PITPNC1: variants seen among roughly 807,000 people sequenced by gnomAD.
PITPNC1 encodes the protein phosphatidylinositol transfer protein cytoplasmic 1.
In PITPNC1, 18 loss-of-function variants were observed where a neutral mutation model predicts 44.7. That is an observed-to-expected ratio of 0.40 (90% CI 0.28 to 0.60). The LOEUF (loss-of-function observed/expected upper bound fraction) is 0.60. Among genes scored for constraint, PITPNC1 ranks in the 20% least tolerant of loss-of-function variants. The pLI is 0.39. For synonymous variants in PITPNC1, 141 were observed against 149.6 expected, an observed-to-expected ratio of 0.94 and a Z score of 0.42; for missense variants, 290 against 418.4, an observed-to-expected ratio of 0.69 and a Z score of 2.68.
rs141195320 is a variant in PITPNC1, at chr17:67,592,705, G to A, written c.366+14448G>A. Among the ~76,000 whole-genome samples, 269 of 152,328 alleles carry A rather than the reference G, an allele frequency of 1.8e-3. 2 individuals carry two copies. The highest frequency in any genetic ancestry group is 6.2e-3 in the African/African-American group (258 of 41,580). ...GTGGGAAGGAAAGATAACTTTCTCA[G>A]TAAATGACATTAAGTGAGTTGACAT... On this transcript the variant is annotated intron_variant, in intron 5 of 8. Transcript: ENST00000581322.
intron 1 of PITPNC1, among the ~76,000 whole-genome samples, chr17:67,383,187 G>C (rs2037990482): frequency 6.6e-6 from 1 of 151,856 alleles, no homozygotes; most frequent in Admixed American, 6.6e-5. Flanking sequence ...AGTAGAGATG[G>C]GGTTTCACCA....
chr17:67,551,167 C>A (rs761021014), intron 2 of PITPNC1, among the ~76,000 whole-genome samples: 23 of 100,202 alleles, frequency 2.3e-4, no homozygotes, highest in Non-Finnish European at 3.9e-4. Flanking sequence ...TTAGCTGGGG[C>A]TGCACTGTTC....
At chr17:67,420,083 T>C (rs1297785597) in intron 1 of PITPNC1, among the ~76,000 whole-genome samples, 3 of 152,078 alleles carry the variant, frequency 2.0e-5, no homozygotes, top group Admixed American at 6.6e-5. Flanking sequence ...CCCTGAGGGG[T>C]GGTAGAAACA....
In PITPNC1 at chr17:67,590,685, A is replaced by G. The variant is rs539826312; in HGVS notation, c.366+12428A>G. 5.9e-5 allele frequency among the ~76,000 whole-genome samples: 9 copies of G among 152,334 alleles called. No homozygotes were observed. In the South Asian group the frequency reaches 1.9e-3, roughly 32 times the overall value. On this transcript the variant is annotated intron_variant, in intron 5 of 8. Transcript: ENST00000581322. ...AGAAATAATTTTACAATAGACAGCC[A>G]GGCACAGTGGCTCACACCTGTAATC...
intron 1 of PITPNC1, among the ~76,000 whole-genome samples, chr17:67,425,193 G>GCGCGCACACACA (rs1160522771): frequency 1.9e-4 from 10 of 52,118 alleles, no homozygotes; most frequent in African/African-American, 8.2e-4. Flanking sequence ...TTGTGCGCGC[G>GCGCGCACACACA]CACGCACACG....
At chr17:67,408,305 C>T (rs1324199882) in intron 1 of PITPNC1, among the ~76,000 whole-genome samples, 2 of 151,940 alleles carry the variant, frequency 1.3e-5, no homozygotes, top group Admixed American at 6.6e-5. Flanking sequence ...CATGGTGACT[C>T]GCCTGAGGTC....
At chr17:67,659,099 G>A (rs927232363) in intron 6 of PITPNC1, among the ~76,000 whole-genome samples, 1 of 152,136 alleles carries the variant, frequency 6.6e-6, no homozygotes, top group African/African-American at 2.4e-5. Context: ...TGAACTTTTG[G>A]TGTGCTCTGG....
intron 8 of PITPNC1, among the ~76,000 whole-genome samples, chr17:67,686,432 G>T (rs2042817530): frequency 2.0e-5 from 3 of 151,882 alleles, no homozygotes; most frequent in Non-Finnish European, 4.4e-5. Flanking sequence ...TTTTAGATCA[G>T]TGTGGGTGGA....
At chr17:67,394,415 T>G (rs1052981294) in intron 1 of PITPNC1, among the ~76,000 whole-genome samples, 13 of 152,232 alleles carry the variant, frequency 8.5e-5, no homozygotes, top group Non-Finnish European at 1.9e-4. Flanking sequence ...AGGAAAATGC[T>G]TCTCAGATTG....
At chr17:67,649,563 A>G (rs1184405344) in intron 6 of PITPNC1, among the ~76,000 whole-genome samples, 1 of 152,172 alleles carries the variant, frequency 6.6e-6, no homozygotes, top group African/African-American at 2.4e-5. Context: ...ATCAGATCCC[A>G]GTCCCACAAA....
intron 1 of PITPNC1, among the ~76,000 whole-genome samples, chr17:67,480,035 T>A (rs2039681994): frequency 6.6e-6 from 1 of 152,222 alleles, no homozygotes; most frequent in Non-Finnish European, 1.5e-5. Flanking sequence ...CAGATGTAGA[T>A]CAAGGTTTGT....
In PITPNC1 at chr17:67,377,996, G is replaced by A; in HGVS notation, c.-159G>A. 2.2e-6 allele frequency: 1 copy of A among 451,364 alleles called. No individual in the cohort carries two copies. The highest frequency in any genetic ancestry group is 3.9e-6 in the Non-Finnish European group (1 of 259,736). The allele number at this position is 451,364 out of a possible 1,614,324, so 28.0% of individuals were successfully genotyped here. ...AAACCCTGACATGCTCTGGGGCGGA[G>A]AGGAGGAAGCCAGGAGCTGAGCGCG... On this transcript the variant is annotated 5_prime_UTR_variant, in exon 1 of 9. Coordinates refer to ENST00000581322, the MANE Select transcript of PITPNC1 (RefSeq NM_012417.4).
chr17:67,640,816 C>A (rs2042085138), intron 6 of PITPNC1, among the ~76,000 whole-genome samples: 2 of 151,138 alleles, frequency 1.3e-5, no homozygotes, highest in Admixed American at 1.3e-4. Context: ...ATGGTGAAAA[C>A]CCATCTCTAC....
chr17:67,666,437 A>G (rs2042423420), intron 6 of PITPNC1, among the ~76,000 whole-genome samples: 2 of 152,312 alleles, frequency 1.3e-5, no homozygotes, highest in South Asian at 4.1e-4. Context: ...AGGCCAGCAG[A>G]AGCTTCTTAA....
chr17:67,507,172 C>T (rs2040115591), intron 1 of PITPNC1, among the ~76,000 whole-genome samples: 2 of 152,016 alleles, frequency 1.3e-5, no homozygotes, highest in Admixed American at 1.3e-4. Flanking sequence ...TAGATGAATA[C>T]ATAGAAAGAA....
chr17:67,447,353 A>G (rs2039113089), intron 1 of PITPNC1, among the ~76,000 whole-genome samples: 1 of 151,904 alleles, frequency 6.6e-6, no homozygotes. Context: ...TAGTACAAAC[A>G]GCAGTGGTTC....
intron 1 of PITPNC1, among the ~76,000 whole-genome samples, chr17:67,430,743 C>T (rs1002574410): frequency 6.6e-5 from 10 of 151,634 alleles, no homozygotes; most frequent in Admixed American, 5.3e-4. Context: ...CAGTTGAGGC[C>T]GGGAGTTCAA....
intron 1 of PITPNC1, among the ~76,000 whole-genome samples, chr17:67,473,314 G>A (rs1168611166): frequency 6.6e-6 from 1 of 151,568 alleles, no homozygotes; most frequent in Non-Finnish European, 1.5e-5. Flanking sequence ...GATTATAGGC[G>A]TGAGCCACTT....
chr17:67,679,683 G>A (rs147071089), intron 8 of PITPNC1, among the ~76,000 whole-genome samples: 88 of 152,310 alleles, frequency 5.8e-4, no homozygotes, highest in African/African-American at 1.9e-3. Context: ...CGTGTTCATT[G>A]TAAAGTGTAA....
Sources: gnomAD v4.1 joint callset for allele counts (sites outside exome capture counted in the v4.1 genomes callset) on GRCh38, gnomAD v4.1.1 for gene constraint, MANE v1.5 for transcripts, NCBI Gene and HGNC (gene_info 2026-07-23, HGNC 2026-07-21) for gene names.